DIP2C: variants seen among roughly 807,000 people sequenced by gnomAD.
The protein encoded by DIP2C is disco-interacting protein 2 homolog C.
Under a neutral mutation model 192.4 loss-of-function variants are expected in DIP2C, and 33 were observed. The observed-to-expected ratio is 0.17, with a 90% CI of 0.13 to 0.23. The LOEUF is 0.23. Among genes scored for constraint, DIP2C ranks in the 10% least tolerant of loss-of-function variants. The pLI is 1.00. For synonymous variants in DIP2C, 979 were observed against 864.1 expected (o/e 1.13, Z -2.33); for missense variants, 1,537 against 2,110.1 (o/e 0.73, Z 5.32).
At position 409,047 on chromosome 10, in the gene DIP2C, G is replaced by A. The variant is rs201750010; in HGVS notation, c.1058-30C>T. 103 of 1,607,060 alleles carry A rather than the reference G, an allele frequency of 6.4e-5. No individual in the cohort carries two copies. The East Asian group carries it at 1.1e-3, about 17-fold the overall frequency. ...GAATACAAATCACAGACAAATGTGC[G>A]TATTAAACCATACGGAGAGCACAGC... is the stretch of plus-strand genomic sequence containing the variant. On this transcript the variant is annotated intron_variant, in intron 8 of 36. Coordinates refer to ENST00000280886, the MANE Select transcript of DIP2C (RefSeq NM_014974.3).
chr10:519,816 A>G (rs1846585579), intron 1 of DIP2C, among the ~76,000 whole-genome samples: 1 of 152,218 alleles, frequency 6.6e-6, no homozygotes, highest in South Asian at 2.1e-4. Context: ...TGACGTGGAG[A>G]CAGATCCCAG....
At chr10:670,795 G>A (rs905210218) in intron 1 of DIP2C, among the ~76,000 whole-genome samples, 3 of 152,176 alleles carry the variant, frequency 2.0e-5, no homozygotes, top group African/African-American at 7.2e-5. Context: ...AATGAAGCAT[G>A]TTTTTGAGAC....
intron 3 of DIP2C, among the ~76,000 whole-genome samples, chr10:462,572 C>T (rs1969881523): frequency 6.6e-6 from 1 of 152,180 alleles, no homozygotes; most frequent in African/African-American, 2.4e-5. Context: ...CAGACGAATT[C>T]ACAGCCAACT....
At chr10:588,543 G>C (rs1008690280) in intron 1 of DIP2C, among the ~76,000 whole-genome samples, 7 of 152,244 alleles carry the variant, frequency 4.6e-5, no homozygotes, top group Non-Finnish European at 1.0e-4. Flanking sequence ...TCCCTGCCGG[G>C]AAAGTGACAC....
At chr10:506,427 C>T (rs375197600) in intron 1 of DIP2C, among the ~76,000 whole-genome samples, 47 of 152,010 alleles carry the variant, frequency 3.1e-4, no homozygotes, top group African/African-American at 1.1e-3. Context: ...GTGTGTGTAG[C>T]CCTGGGGTCT....
rs1007595625 is a variant in DIP2C, at chr10:275,984, G to C, written c.*1341C>G. ...GGGGACGATCACCGATGTGAGTTCC[G>C]GACACTTTGTCCACTCCACATTGGC... is the stretch of plus-strand genomic sequence containing the variant. On this transcript the variant is annotated 3_prime_UTR_variant, in exon 37 of 37. Coordinates refer to ENST00000280886, the MANE Select transcript of DIP2C (RefSeq NM_014974.3). 1 of 152,184 alleles carries C rather than the reference G, an allele frequency of 6.6e-6. No homozygotes were observed. Among genetic ancestry groups the C allele is most frequent in the African/African-American group, 2.4e-5 (1 of 41,430 alleles). The allele number at this position is 152,184 out of a possible 1,614,324, so 9.4% of individuals were successfully genotyped here. A position where few individuals can be genotyped will look rare whatever the true frequency, so the allele number is the denominator to read the frequency against.
rs113105109 is a variant in DIP2C, at chr10:530,085, C to T, written c.86-43555G>A. Among the ~76,000 whole-genome samples the T allele has an allele frequency of 7.0e-4, 107 of 152,388 alleles. 1 individual carries two copies. Among genetic ancestry groups the T allele is most frequent in the African/African-American group, 2.3e-3 (97 of 41,598 alleles). ...TGCACACGATGCCGAGTCTCCACGC[C>T]TGCCGCCGTCTAAGTGACTGACAGC... On this transcript the variant is annotated intron_variant, in intron 1 of 36. Coordinates refer to ENST00000280886, the MANE Select transcript of DIP2C (RefSeq NM_014974.3).
At chr10:390,606 C>T (rs1426474107) in intron 11 of DIP2C, 134 bp downstream of exon 11, 14 of 1,428,550 alleles carry the variant, frequency 9.8e-6, no homozygotes, top group African/African-American at 4.3e-5. Context: ...GACGAGAACG[C>T]GTGAAAACTC....
intron 31 of DIP2C, chr10:311,654 G>A (rs987852135): frequency 1.2e-5 from 13 of 1,108,782 alleles, no homozygotes; most frequent in African/African-American, 1.6e-5. Flanking sequence ...AGACACATAC[G>A]ACCCGACAGT....
intron 9 of DIP2C, among the ~76,000 whole-genome samples, chr10:401,299 G>C (rs146179695): frequency 6.6e-6 from 1 of 151,222 alleles, no homozygotes; most frequent in African/African-American, 2.4e-5. Context: ...TCTTCCTTAC[G>C]GACAAGTTTG....
chr10:302,171 CTG>C (rs755855629), intron 32 of DIP2C, among the ~76,000 whole-genome samples: 2 of 152,148 alleles, frequency 1.3e-5, no homozygotes, highest in African/African-American at 4.8e-5. Context: ...AAAGGTATAA[CTG>C]TATCAGATAA....
At chr10:301,143 A>G (rs1956026394) in intron 32 of DIP2C, among the ~76,000 whole-genome samples, 2 of 152,080 alleles carry the variant, frequency 1.3e-5, no homozygotes, top group African/African-American at 2.4e-5. Context: ...GGAACCGTGG[A>G]GACATGGGGC....
chr10:621,059 G>A (rs1399945701), intron 1 of DIP2C, among the ~76,000 whole-genome samples: 1 of 152,150 alleles, frequency 6.6e-6, no homozygotes, highest in African/African-American at 2.4e-5. Context: ...ACCTGGAGAG[G>A]AAGAATCTGA....
chr10:463,365 A>T (rs1232419012), intron 3 of DIP2C, among the ~76,000 whole-genome samples: 2 of 152,182 alleles, frequency 1.3e-5, no homozygotes, highest in East Asian at 3.8e-4. Context: ...ATAGACCAAC[A>T]GGGGGCCAAA....
At chr10:434,561 C>G (rs1015250236) in intron 4 of DIP2C, among the ~76,000 whole-genome samples, 1 of 152,208 alleles carries the variant, frequency 6.6e-6, no homozygotes. Context: ...GTGTGAGCCC[C>G]TGTACACAGA....
chr10:614,892 A>G (rs1853346934), intron 1 of DIP2C, among the ~76,000 whole-genome samples: 1 of 152,214 alleles, frequency 6.6e-6, no homozygotes, highest in Admixed American at 6.5e-5. Flanking sequence ...GTGCATGGGA[A>G]GAACTGGGTT....
At chr10:607,701 A>T (rs1238601431) in intron 1 of DIP2C, among the ~76,000 whole-genome samples, 2 of 152,218 alleles carry the variant, frequency 1.3e-5, no homozygotes, top group African/African-American at 4.8e-5. Context: ...ATAAGGTTGA[A>T]AAATCACAAG....
At chr10:319,548 A>G (rs1956917694) in intron 31 of DIP2C, among the ~76,000 whole-genome samples, 1 of 152,236 alleles carries the variant, frequency 6.6e-6, no homozygotes, top group South Asian at 2.1e-4. Flanking sequence ...TAATGCAACA[A>G]AAGACCTTCC....
At chr10:517,946 T>C (rs377512320) in intron 1 of DIP2C, among the ~76,000 whole-genome samples, 3 of 152,330 alleles carry the variant, frequency 2.0e-5, no homozygotes, top group African/African-American at 7.2e-5. Flanking sequence ...AGCCAAATCA[T>C]GCTATTCCTA....
Sources: gnomAD v4.1 joint callset for allele counts (sites outside exome capture counted in the v4.1 genomes callset) on GRCh38, gnomAD v4.1.1 for gene constraint, MANE v1.5 for transcripts, NCBI Gene and HGNC (gene_info 2026-07-23, HGNC 2026-07-21) for gene names.